The following SLC15A1 variants were observed in gnomAD, a reference collection of about 807,000 sequenced individuals.
SLC15A1 encodes the protein Caco-2 oligopeptide transporter.
Under a neutral mutation model 92.9 loss-of-function variants are expected in SLC15A1, and 83 were observed. That is an observed-to-expected ratio of 0.89 (90% CI 0.75 to 1.07). SLC15A1 has a LOEUF of 1.07. SLC15A1 is among the 50% of genes least tolerant of loss of function. SLC15A1 has a pLI of 0.00. For missense variants in SLC15A1, 857 were observed against 880.1 expected, an observed-to-expected ratio of 0.97 and a Z score of 0.33; for synonymous variants, 322 against 318.2, an observed-to-expected ratio of 1.01 and a Z score of -0.13.
chr13:98,736,263 G>A (rs187192807), intron 1 of SLC15A1, among the ~76,000 whole-genome samples: 1 of 152,304 alleles, frequency 6.6e-6, no homozygotes. Context: ...TTTAATAAGT[G>A]GTGCTGGGAA....
intron 11 of SLC15A1, 24 bp downstream of exon 11, chr13:98,711,830 A>T (rs1056301328): frequency 6.4e-7 from 1 of 1,568,346 alleles, no homozygotes; most frequent in Admixed American, 1.7e-5. Flanking sequence ...CGTGAAGAAG[A>T]GCACAAGCAG....
intron 9 of SLC15A1, among the ~76,000 whole-genome samples, chr13:98,715,406 C>A (rs1215221248): frequency 6.6e-6 from 1 of 152,228 alleles, no homozygotes; most frequent in Non-Finnish European, 1.5e-5. Flanking sequence ...AAGTCCTGAT[C>A]AAGTGATCCG....
intron 3 of SLC15A1, 24 bp downstream of exon 3, chr13:98,726,344 G>T (rs1594000505): frequency 6.2e-7 from 1 of 1,614,042 alleles, no homozygotes; most frequent in Middle Eastern, 1.6e-4. Context: ...TCCCTGAAGG[G>T]TGAGAAACGG....
intron 7 of SLC15A1, among the ~76,000 whole-genome samples, chr13:98,720,051 G>C (rs573326008): frequency 6.6e-6 from 1 of 152,148 alleles, no homozygotes. Context: ...GAATGCTGGC[G>C]CCTCCAGGCA....
chr13:98,704,676 T>C (rs1466730754), intron 16 of SLC15A1, among the ~76,000 whole-genome samples: 1 of 152,214 alleles, frequency 6.6e-6, no homozygotes, highest in African/African-American at 2.4e-5. Context: ...CATCTTACTT[T>C]TATTTTGCTT....
chr13:98,689,594 T>C (rs1468583031), intron 18 of SLC15A1, among the ~76,000 whole-genome samples: 1 of 152,166 alleles, frequency 6.6e-6, no homozygotes, highest in Non-Finnish European at 1.5e-5. Context: ...TACAGGTGTG[T>C]GCCACAATGC....
In SLC15A1 at chr13:98,723,913, C is replaced by A; in HGVS notation, c.364G>T (p.Val122Leu). 6.2e-7 allele frequency: 1 copy of A among 1,614,006 alleles called. No individual in the cohort carries two copies. Among genetic ancestry groups the A allele is most frequent in the Non-Finnish European group, 8.5e-7 (1 of 1,179,942 alleles). Reference sequence around the variant, plus strand: ...GGGCAGCAGTGAGCACCAACTCACACGTGCACAGGAAGGCTGTCGGGGGTG... The same window carrying A: ...GGGCAGCAGTGAGCACCAACTCACAAGTGCACAGGAAGGCTGTCGGGGGTG... ...DGTPDSLPVH[V>L]VLSLIGLALI... The change falls in exon 5 of 23, where the codon GTG becomes TTG. Residue 122 changes from valine (V) to leucine (L), a missense_variant and splice_region_variant. Transcript: ENST00000376503.
chr13:98,710,808 CAAAAAAAAA>C (rs4646225), intron 11 of SLC15A1, among the ~76,000 whole-genome samples: 1 of 71,678 alleles, frequency 1.4e-5, no homozygotes, highest in East Asian at 4.3e-4. Context: ...ACTCTTGACT[CAAAAAAAAA>C]AAAAAAAAAA....
At chr13:98,702,309 A>G (rs572787310) in intron 18 of SLC15A1, among the ~76,000 whole-genome samples, 171 bp downstream of exon 18, 2 of 152,338 alleles carry the variant, frequency 1.3e-5, no homozygotes, top group South Asian at 2.1e-4. Context: ...GTTTACTAAG[A>G]TGATGGGTTA....
At chr13:98,732,661 C>T (rs984736477) in intron 1 of SLC15A1, among the ~76,000 whole-genome samples, 2 of 152,082 alleles carry the variant, frequency 1.3e-5, no homozygotes, top group Admixed American at 6.6e-5. Context: ...TGAAGGCTGC[C>T]GAGAGTGCAT....
intron 18 of SLC15A1, among the ~76,000 whole-genome samples, chr13:98,692,387 G>C (rs2087987649): frequency 6.6e-6 from 1 of 151,840 alleles, no homozygotes; most frequent in Admixed American, 6.6e-5. Flanking sequence ...TTGAACTCCT[G>C]GCCTCAAGTA....
chr13:98,695,516 C>T (rs1205071851), intron 18 of SLC15A1, among the ~76,000 whole-genome samples: 1 of 152,112 alleles, frequency 6.6e-6, no homozygotes, highest in East Asian at 1.9e-4. Context: ...CCTCAGCCTC[C>T]CGAGTAGTTG....
intron 15 of SLC15A1, among the ~76,000 whole-genome samples, chr13:98,707,888 G>GTTT (rs386380386): frequency 0.011 from 831 of 75,376 alleles, 33 homozygotes; most frequent in African/African-American, 0.1. Flanking sequence ...GTGAGACCCT[G>GTTT]TTTAAAAAAA....
chr13:98,746,202 T>C (rs1010092261), intron 1 of SLC15A1, among the ~76,000 whole-genome samples: 14 of 152,174 alleles, frequency 9.2e-5, no homozygotes, highest in African/African-American at 3.4e-4. Flanking sequence ...AAGGACATGA[T>C]CTTGTTGTTT....
intron 16 of SLC15A1, among the ~76,000 whole-genome samples, chr13:98,705,202 G>A (rs374116033): frequency 1.9e-3 from 241 of 126,970 alleles, no homozygotes; most frequent in Non-Finnish European, 2.1e-3. Context: ...CTGTATTTAA[G>A]AAAAAAAAAA....
chr13:98,738,436 G>A (rs776206435), intron 1 of SLC15A1, among the ~76,000 whole-genome samples: 8 of 152,248 alleles, frequency 5.3e-5, no homozygotes, highest in Non-Finnish European at 1.0e-4. Context: ...AGGCCTAGAA[G>A]GGAAGAATGG....
intron 9 of SLC15A1, among the ~76,000 whole-genome samples, chr13:98,714,123 T>C (rs1365928419): frequency 6.6e-6 from 1 of 151,264 alleles, no homozygotes; most frequent in African/African-American, 2.4e-5. Context: ...CTTCGCAATA[T>C]AGTTCTCATG....
intron 1 of SLC15A1, among the ~76,000 whole-genome samples, chr13:98,737,637 T>G (rs2088405228): frequency 6.6e-6 from 1 of 152,186 alleles, no homozygotes; most frequent in Admixed American, 6.6e-5. Context: ...GCTGCCATGC[T>G]TCCTGTACAG....
chr13:98,740,326 C>A (rs760067539), intron 1 of SLC15A1, among the ~76,000 whole-genome samples: 1 of 152,172 alleles, frequency 6.6e-6, no homozygotes, highest in Non-Finnish European at 1.5e-5. Context: ...GACTGTCCAC[C>A]GTCCACACCA....
Sources: gnomAD v4.1 joint callset for allele counts (sites outside exome capture counted in the v4.1 genomes callset) on GRCh38, gnomAD v4.1.1 for gene constraint, MANE v1.5 for transcripts, NCBI Gene and HGNC (gene_info 2026-07-23, HGNC 2026-07-21) for gene names.